DCLK2: variants seen among roughly 807,000 people sequenced by gnomAD.
The protein encoded by DCLK2 is serine/threonine-protein kinase DCLK2.
In DCLK2, 31 loss-of-function variants were observed where a neutral mutation model predicts 78.4. That is an observed-to-expected ratio of 0.40 (90% CI 0.30 to 0.53). DCLK2 has a LOEUF of 0.53. Ranked by LOEUF, DCLK2 falls within the 20% of genes least tolerant of loss-of-function variation. The probability of loss-of-function intolerance (pLI) is 0.61; values close to 1 mark genes in which losing one functional copy is unlikely to be tolerated. For synonymous variants in DCLK2, 407 were observed against 374.9 expected (o/e 1.09, Z -0.99); for missense variants, 872 against 973.7 (o/e 0.90, Z 1.39).
intron 5 of DCLK2, among the ~76,000 whole-genome samples, chr4:150,215,523 ATAT>A (rs944031653): frequency 6.6e-6 from 1 of 152,128 alleles, no homozygotes; most frequent in Non-Finnish European, 1.5e-5. Flanking sequence ...ATTATAAAGG[ATAT>A]TATGTTACAA....
At position 150,184,572 on chromosome 4, in the gene DCLK2, G is replaced by T. The variant is rs149531346; in HGVS notation, c.757-8566G>T. On this transcript the variant is annotated intron_variant, in intron 2 of 15. Coordinates refer to ENST00000296550, the MANE Select transcript of DCLK2 (RefSeq NM_001040260.4). ...TCAATGGGTCAGGAAATGGGTGTCA[G>T]TCTTGTGTTTCTTCTTCTTCTTCTT... is the stretch of plus-strand genomic sequence containing the variant. Among the ~76,000 whole-genome samples the T allele has an allele frequency of 1.0e-3, 155 of 149,056 alleles. 1 individual carries two copies. The highest frequency in any genetic ancestry group is 3.6e-3 in the East Asian group (18 of 4,992).
At chr4:150,232,591 C>A in intron 9 of DCLK2, 91 bp from the exon 10 acceptor site, 1 of 1,526,518 alleles carries the variant, frequency 6.6e-7, no homozygotes, top group South Asian at 1.2e-5. Flanking sequence ...GCACTTGTGT[C>A]ATTCTCTGCT....
intron 2 of DCLK2, among the ~76,000 whole-genome samples, chr4:150,191,030 G>A (rs1339731125): frequency 3.3e-5 from 5 of 152,098 alleles, no homozygotes; most frequent in African/African-American, 7.2e-5. Context: ...GTAGGTTGAG[G>A]TAGGAGGATC....
intron 2 of DCLK2, among the ~76,000 whole-genome samples, chr4:150,191,201 A>G (rs565048759): frequency 1.3e-4 from 20 of 152,186 alleles, no homozygotes; most frequent in African/African-American, 4.8e-4. Flanking sequence ...CTGTTGGGTG[A>G]ACAGAAGACA....
intron 3 of DCLK2, 114 bp from the exon 4 acceptor site, chr4:150,197,888 A>C (rs1739171030): frequency 1.4e-6 from 1 of 716,898 alleles, no homozygotes; most frequent in African/African-American, 1.8e-5. Context: ...AAATTGTTTA[A>C]CAGTAATACC....
chr4:150,215,575 G>A (rs1170161534), intron 5 of DCLK2, among the ~76,000 whole-genome samples: 2 of 152,162 alleles, frequency 1.3e-5, no homozygotes, highest in East Asian at 3.8e-4. Context: ...GAGGTATGGG[G>A]GAAGGCATGC....
chr4:150,126,445 T>G (rs1732923291), intron 2 of DCLK2, among the ~76,000 whole-genome samples: 1 of 152,212 alleles, frequency 6.6e-6, no homozygotes. Flanking sequence ...GGAAGCTAAC[T>G]CTTTGTAGAG....
chr4:150,135,759 A>G (rs1457850387), intron 2 of DCLK2, among the ~76,000 whole-genome samples: 1 of 152,238 alleles, frequency 6.6e-6, no homozygotes, highest in African/African-American at 2.4e-5. Flanking sequence ...GGCAAGGCAG[A>G]TAATAGGTAA....
chr4:150,079,514 G>C lies in DCLK2; in HGVS notation c.421+66G>C, dbSNP rs867194875. On this transcript the variant is annotated intron_variant, in intron 1 of 15. Transcript: ENST00000296550. The stretch of plus-strand genomic sequence containing the variant: ...CCGGCAGGTGCAGTGGGCGTGAGCC[G>C]GCGCAGCGGGGAGCCCGCGGGGTGC... 3.0e-4 allele frequency: 427 copies of C among 1,405,126 alleles called. 5 individuals are homozygous for C. The highest frequency in any genetic ancestry group is 6.2e-5 in the Non-Finnish European group (66 of 1,066,780). The allele number at this position is 1,405,126 out of a possible 1,614,324, so 87.0% of individuals were successfully genotyped here.
intron 3 of DCLK2, among the ~76,000 whole-genome samples, chr4:150,196,097 A>G (rs1739011934): frequency 6.6e-6 from 1 of 152,076 alleles, no homozygotes. Flanking sequence ...TTGTATTGTA[A>G]TCTTAATGAG....
intron 2 of DCLK2, among the ~76,000 whole-genome samples, chr4:150,181,923 C>G (rs1314891530): frequency 6.6e-6 from 1 of 152,158 alleles, no homozygotes; most frequent in Non-Finnish European, 1.5e-5. Flanking sequence ...TGGGGAGAAT[C>G]CCAGCCTCTG....
chr4:150,186,999 T>A (rs1738007892), intron 2 of DCLK2, among the ~76,000 whole-genome samples: 1 of 152,156 alleles, frequency 6.6e-6, no homozygotes, highest in African/African-American at 2.4e-5. Context: ...GGTCTATTGT[T>A]AAATATGCAA....
intron 2 of DCLK2, 42 bp from the exon 3 acceptor site, chr4:150,193,096 A>C: frequency 8.3e-7 from 1 of 1,208,542 alleles, no homozygotes; most frequent in African/African-American, 1.5e-5. Context: ...TTTCACTTCT[A>C]ATGTGTCTAA....
At chr4:150,186,963 AAAT>A (rs1738003562) in intron 2 of DCLK2, among the ~76,000 whole-genome samples, 1 of 152,034 alleles carries the variant, frequency 6.6e-6, no homozygotes, top group East Asian at 1.9e-4. Context: ...AAGCATGGGC[AAAT>A]AATGATTGCA....
chr4:150,101,867 G>T (rs576323129), intron 1 of DCLK2, among the ~76,000 whole-genome samples: 2 of 152,256 alleles, frequency 1.3e-5, no homozygotes, highest in African/African-American at 4.8e-5. Flanking sequence ...CATTCTGTAA[G>T]AAGAAAAGTA....
In DCLK2 at chr4:150,249,541, T is replaced by C. The variant is rs113820947; in HGVS notation, c.1957-27T>C. Reference sequence around the variant, plus strand: ...TCAAACGGGAGGATGGAAAAAGCATTGTATTTGATTGTTTTCTTTCCTGTA... The same window carrying C: ...TCAAACGGGAGGATGGAAAAAGCATCGTATTTGATTGTTTTCTTTCCTGTA... On this transcript the variant is annotated intron_variant, in intron 14 of 15. Transcript: ENST00000296550. The C allele has an allele frequency of 1.1e-3, 1,679 of 1,590,412 alleles. 16 individuals are homozygous for C. In the African/African-American group the frequency reaches 0.019, roughly 18 times the overall value.
At chr4:150,102,384 G>C (rs867844579) in intron 1 of DCLK2, 94 bp from the exon 2 acceptor site, 7 of 1,212,832 alleles carry the variant, frequency 5.8e-6, no homozygotes, top group Admixed American at 4.5e-5. Flanking sequence ...TAAGGTTAAG[G>C]GTTCACTTAA....
intron 2 of DCLK2, among the ~76,000 whole-genome samples, chr4:150,107,382 T>TG (rs1731339772): frequency 6.7e-6 from 1 of 148,898 alleles, no homozygotes; most frequent in Admixed American, 6.7e-5. Flanking sequence ...GTTATTGTTT[T>TG]TTTTTTTTTT....
At chr4:150,236,017 G>A (rs1371143629) in intron 10 of DCLK2, among the ~76,000 whole-genome samples, 1 of 152,122 alleles carries the variant, frequency 6.6e-6, no homozygotes, top group Non-Finnish European at 1.5e-5. Context: ...GGAGTTCTGG[G>A]GATAGGAGAG....
Sources: gnomAD v4.1 joint callset for allele counts (sites outside exome capture counted in the v4.1 genomes callset) on GRCh38, gnomAD v4.1.1 for gene constraint, MANE v1.5 for transcripts, NCBI Gene and HGNC (gene_info 2026-07-23, HGNC 2026-07-21) for gene names.